The following MCM10 variants were observed in gnomAD, a reference collection of about 807,000 sequenced individuals.
MCM10 encodes the protein minichromosome maintenance 10 replication initiation factor, also known as protein MCM10 homolog.
Under a neutral mutation model 109.9 loss-of-function variants are expected in MCM10, and 91 were observed. The ratio of observed to expected loss-of-function variants is 0.83; its 90% CI spans 0.70 to 0.99. The LOEUF is 0.99. MCM10 is among the 50% of genes least tolerant of loss of function. The probability of loss-of-function intolerance (pLI) is 0.00; values close to 1 mark genes in which losing one functional copy is unlikely to be tolerated. For missense variants in MCM10, 1,077 were observed against 1,061.2 expected (o/e 1.01, Z -0.21); for synonymous variants, 380 against 387.2 (o/e 0.98, Z 0.22).
At chr10:13,165,945 G>A (rs1833991656) in intron 2 of MCM10, among the ~76,000 whole-genome samples, 1 of 151,594 alleles carries the variant, frequency 6.6e-6, no homozygotes, top group Non-Finnish European at 1.5e-5. Flanking sequence ...GATTGGCATG[G>A]GTTCACAATT....
chr10:13,175,955 A>G (rs1834136885), intron 6 of MCM10, among the ~76,000 whole-genome samples: 1 of 152,260 alleles, frequency 6.6e-6, no homozygotes, highest in Non-Finnish European at 1.5e-5. Context: ...ATATTTAATC[A>G]GAAATTGACA....
At chr10:13,193,565 C>G (rs1314208879) in intron 13 of MCM10, among the ~76,000 whole-genome samples, 1 of 152,042 alleles carries the variant, frequency 6.6e-6, no homozygotes, top group Non-Finnish European at 1.5e-5. Context: ...TTTGCCATCC[C>G]GAATCTGGGC....
chr10:13,207,887 G>C (rs1239524064), intron 18 of MCM10, among the ~76,000 whole-genome samples: 1 of 152,154 alleles, frequency 6.6e-6, no homozygotes, highest in Non-Finnish European at 1.5e-5. Context: ...GCTAGGTAAG[G>C]GGAAGGGGAG....
rs377010061 is a variant in MCM10, at chr10:13,192,491, G to A, written c.1668G>A (p.Ser556=). 1.5e-4 allele frequency: 238 copies of A among 1,614,014 alleles called. No individual in the cohort carries two copies. Among genetic ancestry groups the A allele is most frequent in the East Asian group, 1.5e-3 (66 of 44,880 alleles). The change falls in exon 13 of 20, where the codon TCG becomes TCA. Residue 556 remains serine, a synonymous_variant. Transcript: ENST00000378714. The part of the protein sequence containing the change: ...GSPKPAIKSI[S]ASALLKQQKQ... Reference sequence around the variant, plus strand: ...CAAAACCAGCCATCAAGTCCATCTCGGCCTCAGCACTCTTGAAGCAACAGA... The same window carrying A: ...CAAAACCAGCCATCAAGTCCATCTCAGCCTCAGCACTCTTGAAGCAACAGA...
At chr10:13,183,181 C>T in intron 8 of MCM10, 81 bp downstream of exon 8, 1 of 1,443,010 alleles carries the variant, frequency 6.9e-7, no homozygotes, top group Non-Finnish European at 9.5e-7. Flanking sequence ...TGATGCAGCA[C>T]ACAGTGGCTC....
rs1403868242 is a variant in MCM10, at chr10:13,171,013, G to T, written c.99G>T (p.Thr33=). The T allele has an allele frequency of 1.9e-6, 3 of 1,614,104 alleles. No individual in the cohort carries two copies. In the African/African-American group the frequency reaches 4.0e-5, roughly 22 times the overall value. ...ATTCAGAAGAAAATAACTTCTTGAC[G>T]CGGGAAAATGGCGAGCCCGACGCAT... ...DCNSEENNFL[T]RENGEPDAFD... Residue 33 remains threonine, a synonymous_variant, in exon 3 of 20, where the codon ACG becomes ACT. Coordinates refer to ENST00000378714, the MANE Select transcript of MCM10 (RefSeq NM_018518.5).
chr10:13,198,083 T>C lies in MCM10; in HGVS notation c.2119+316T>C, dbSNP rs1038064295. The stretch of plus-strand genomic sequence containing the variant: ...GCGCGCCACCACGCCCAGCTAATTT[T>C]TTGTATTTTTAGTATAGATGGGGTT... On this transcript the variant is annotated intron_variant, in intron 15 of 19. Transcript: ENST00000378714. Among the ~76,000 whole-genome samples, 2 of 152,116 alleles carry C rather than the reference T, an allele frequency of 1.3e-5. 1 individual carries two copies. Among genetic ancestry groups the C allele is most frequent in the East Asian group, 3.9e-4 (2 of 5,180 alleles).
chr10:13,163,948 T>C (rs1378697209), intron 1 of MCM10, among the ~76,000 whole-genome samples, 180 bp from the exon 2 acceptor site: 1 of 152,152 alleles, frequency 6.6e-6, no homozygotes, highest in Non-Finnish European at 1.5e-5. Context: ...AGTGAGCTGC[T>C]ACATCCAAGG....
chr10:13,194,041 G>T (rs982216979), intron 13 of MCM10, among the ~76,000 whole-genome samples: 2 of 151,760 alleles, frequency 1.3e-5, no homozygotes, highest in Non-Finnish European at 1.5e-5. Flanking sequence ...TGGACTAGAT[G>T]ATTTCTGGGG....
At position 13,175,565 on chromosome 10, in the gene MCM10, G is replaced by A. The variant is rs568860384; in HGVS notation, c.648G>A (p.Thr216=). 12 of 1,613,776 alleles carry A rather than the reference G, an allele frequency of 7.4e-6. No homozygotes were observed. The highest frequency in any genetic ancestry group is 2.2e-5 in the East Asian group (1 of 44,870). The part of the protein sequence containing the change: ...MTSAPSQPLQ[T]ISRNKPSGIT... ...GTGCACCCTCCCAACCCCTACAGAC[G>A]ATTTCTCGGAACAAACCTAGTGGGA... is the stretch of plus-strand genomic sequence containing the variant. Residue 216 remains threonine, a synonymous_variant, in exon 6 of 20, where the codon ACG becomes ACA. Transcript: ENST00000378714.
In MCM10 at chr10:13,192,261, C is replaced by A. The variant is rs768722610; in HGVS notation, c.1523C>A (p.Pro508His). 5.9e-5 allele frequency: 95 copies of A among 1,611,282 alleles called. No homozygotes were observed. The highest frequency in any genetic ancestry group is 7.7e-5 in the Non-Finnish European group (91 of 1,177,636). ...TGGTGTTGACCTGGCACAGGAATAC[C>A]CCAGAAGAGCCTGTCTTGCTCTGAG... is the stretch of plus-strand genomic sequence containing the variant. ...IQETRQKLGIPQKSLSCSEEF... is the reference protein window; with the variant it reads ...IQETRQKLGIHQKSLSCSEEF... Residue 508 changes from proline to histidine, a missense_variant, in exon 12 of 20, where the codon CCC (proline) becomes CAC (histidine). Transcript: ENST00000378714.
intron 9 of MCM10, among the ~76,000 whole-genome samples, chr10:13,187,431 C>T (rs1834289904): frequency 1.3e-5 from 2 of 152,226 alleles, no homozygotes; most frequent in Admixed American, 1.3e-4. Context: ...AATAATGCTG[C>T]TAAAACACTC....
chr10:13,198,577 T>C lies in MCM10; in HGVS notation c.2120-112T>C, dbSNP rs55707475. On this transcript the variant is annotated intron_variant, in intron 15 of 19. Transcript: ENST00000378714. Reference sequence around the variant, plus strand: ...TGGGACCAGCGGGGGTAGGTCAAGTTTGAAGGGCTGGTAGGCAGAGGAGGA... The same window carrying C: ...TGGGACCAGCGGGGGTAGGTCAAGTCTGAAGGGCTGGTAGGCAGAGGAGGA... 1,152 of 716,280 alleles carry C rather than the reference T, an allele frequency of 1.6e-3. 3 individuals carry two copies. Among genetic ancestry groups the C allele is most frequent in the Non-Finnish European group, 2.5e-3 (1,021 of 410,376 alleles). 44.4% of individuals were successfully genotyped at this position (716,280 alleles called of 1,614,324 possible). A position where few individuals can be genotyped will look rare whatever the true frequency, so the allele number is the denominator to read the frequency against.
At chr10:13,199,586 A>T (rs530227204) in intron 16 of MCM10, among the ~76,000 whole-genome samples, 1 of 152,316 alleles carries the variant, frequency 6.6e-6, no homozygotes, top group African/African-American at 2.4e-5. Context: ...AAATTCATAG[A>T]TAATATGAAT....
intron 18 of MCM10, among the ~76,000 whole-genome samples, chr10:13,207,347 AT>A (rs112780886): frequency 5.0e-4 from 75 of 151,100 alleles, no homozygotes; most frequent in African/African-American, 1.6e-3. Flanking sequence ...TAGAATAGTG[AT>A]TTTTTTTTTC....
intron 6 of MCM10, among the ~76,000 whole-genome samples, chr10:13,178,375 C>A (rs1194527159): frequency 6.6e-6 from 1 of 152,220 alleles, no homozygotes; most frequent in Admixed American, 6.5e-5. Flanking sequence ...AGGCGTGAGC[C>A]ACGGTGCCCA....
At chr10:13,200,739 C>G (rs1483207672) in intron 16 of MCM10, among the ~76,000 whole-genome samples, 1 of 152,260 alleles carries the variant, frequency 6.6e-6, no homozygotes. Flanking sequence ...CCTGGAATAC[C>G]TTGTGTATGT....
At chr10:13,205,002 GTATATATATATATATATATATATATATA>G (rs576376587) in intron 18 of MCM10, among the ~76,000 whole-genome samples, 3 of 6,684 alleles carry the variant, frequency 4.5e-4, no homozygotes, top group African/African-American at 1.3e-3. Flanking sequence ...ATGTATGTAT[GTATATATATATATATATATATATATATA>G]TATATATATA....
chr10:13,193,562 T>TG (rs1834377216), intron 13 of MCM10, among the ~76,000 whole-genome samples: 2 of 152,130 alleles, frequency 1.3e-5, no homozygotes, highest in African/African-American at 2.4e-5. Context: ...CCTTTTGCCA[T>TG]CCCGAATCTG....
Sources: gnomAD v4.1 joint callset for allele counts (sites outside exome capture counted in the v4.1 genomes callset) on GRCh38, gnomAD v4.1.1 for gene constraint, MANE v1.5 for transcripts, NCBI Gene and HGNC (gene_info 2026-07-23, HGNC 2026-07-21) for gene names.